The following SLAMF7 variants were observed in gnomAD, a reference collection of about 807,000 sequenced individuals.
SLAMF7 encodes 19A24 protein.
A neutral mutation model predicts 34.1 loss-of-function variants in SLAMF7; 26 were observed. The ratio of observed to expected loss-of-function variants is 0.76; its 90% confidence interval spans 0.56 to 1.06. SLAMF7 has a LOEUF of 1.06. SLAMF7 is among the 50% of genes least tolerant of loss of function. The pLI, the probability that SLAMF7 is intolerant of heterozygous loss-of-function variation, is 0.00. For missense variants in SLAMF7, 399 were observed against 402.5 expected, an observed-to-expected ratio of 0.99 and a Z score of 0.07; for synonymous variants, 171 against 156.4, an observed-to-expected ratio of 1.09 and a Z score of -0.70.
chr1:160,741,960 A>ATTT (rs1302515382), intron 1 of SLAMF7, among the ~76,000 whole-genome samples: 70 of 152,216 alleles, frequency 4.6e-4, no homozygotes, highest in African/African-American at 1.6e-3. Context: ...AGAGTGCCAC[A>ATTT]ACACACTGCT....
In SLAMF7 at chr1:160,739,271, T is replaced by G. The variant is rs776747789; in HGVS notation, c.-31T>G. On this transcript the variant is annotated 5_prime_UTR_variant, in exon 1 of 7. Coordinates refer to ENST00000368043, the MANE Select transcript of SLAMF7 (RefSeq NM_021181.5). Reference sequence around the variant, plus strand: ...AGTAATACCTAAGAGGGAAGTGGCTTCATTTCAGTGGCTGACTTCCAGAGA... The same window carrying G: ...AGTAATACCTAAGAGGGAAGTGGCTGCATTTCAGTGGCTGACTTCCAGAGA... 5.0e-6 allele frequency: 8 copies of G among 1,609,656 alleles called. No individual in the cohort carries two copies. Among genetic ancestry groups the G allele is most frequent in the Non-Finnish European group, 6.8e-6 (8 of 1,176,006 alleles).
intron 2 of SLAMF7, among the ~76,000 whole-genome samples, chr1:160,748,812 T>G (rs772374932): frequency 2.0e-5 from 3 of 152,242 alleles, no homozygotes; most frequent in Non-Finnish European, 2.9e-5. Flanking sequence ...TTTAATTTCT[T>G]CAAGTCTTAG....
intron 1 of SLAMF7, among the ~76,000 whole-genome samples, chr1:160,743,845 C>A (rs528058661): frequency 3.9e-5 from 6 of 152,142 alleles, no homozygotes; most frequent in African/African-American, 1.4e-4. Flanking sequence ...AATGCCACCA[C>A]GCCCAACTAA....
intron 4 of SLAMF7, chr1:160,751,113 C>A: frequency 2.0e-6 from 1 of 489,330 alleles, no homozygotes; most frequent in South Asian, 2.3e-5. Flanking sequence ...CCACTTTGAC[C>A]ACCTTGATGG....
chr1:160,747,669 C>T (rs889951440), intron 1 of SLAMF7, among the ~76,000 whole-genome samples: 3 of 152,144 alleles, frequency 2.0e-5, no homozygotes, highest in Admixed American at 1.3e-4. Flanking sequence ...ACTGCAATCC[C>T]GCCTGGGCAA....
At chr1:160,750,859 A>C (rs1209894138) in intron 4 of SLAMF7, 2 of 220,010 alleles carry the variant, frequency 9.1e-6, no homozygotes, top group African/African-American at 2.3e-5. Flanking sequence ...TTTCCACAGG[A>C]TCAACCCAAG....
Position 160,751,391 on chromosome 1 carries a change from T to C in SLAMF7, c.816T>C (p.Pro272=). ...KKRVDICRET[P]NICPHSGENT... ...GAGTGGACATTTGTCGGGAAACTCC[T>C]AACATATGCCCCCATTCTGGAGAGA... Residue 272 remains proline, a synonymous_variant, in exon 5 of 7, where the codon CCT becomes CCC. Coordinates refer to ENST00000368043, the MANE Select transcript of SLAMF7 (RefSeq NM_021181.5). 6.2e-7 allele frequency: 1 copy of C among 1,613,998 alleles called. No individual in the cohort carries two copies. The highest frequency in any genetic ancestry group is 2.2e-5 in the East Asian group (1 of 44,864).
chr1:160,744,082 T>C (rs1375373006), intron 1 of SLAMF7, among the ~76,000 whole-genome samples: 1 of 152,204 alleles, frequency 6.6e-6, no homozygotes, highest in Non-Finnish European at 1.5e-5. Context: ...TCCCCAGTTA[T>C]ACCCTCAGCT....
At chr1:160,744,705 A>C (rs974901437) in intron 1 of SLAMF7, among the ~76,000 whole-genome samples, 2 of 152,224 alleles carry the variant, frequency 1.3e-5, no homozygotes, top group African/African-American at 4.8e-5. Context: ...ATGAAATGTG[A>C]AAATGAAATT....
At chr1:160,742,129 G>T (rs1223891827) in intron 1 of SLAMF7, among the ~76,000 whole-genome samples, 1 of 152,010 alleles carries the variant, frequency 6.6e-6, no homozygotes, top group African/African-American at 2.4e-5. Flanking sequence ...CTCATAATCG[G>T]GCTCCTTCCC....
In SLAMF7 at chr1:160,750,338, C is replaced by T. The variant is rs35684990; in HGVS notation, c.684C>T (p.Leu228=). 3.9e-3 allele frequency: 6,368 copies of T among 1,614,124 alleles called. 21 individuals carry two copies. The highest frequency in any genetic ancestry group is 5.0e-3 in the Non-Finnish European group (5,877 of 1,179,966). ...AADDPDSSMV[L]LCLLLVPLLL... ...ATGACCCAGATTCCTCCATGGTCCT[C>T]CTGTGTCTCCTGTTGGTGCCCCTCC... Residue 228 remains leucine (L), a synonymous_variant, in exon 4 of 7, where the codon CTC becomes CTT. Transcript: ENST00000368043.
intron 1 of SLAMF7, among the ~76,000 whole-genome samples, chr1:160,741,380 G>A (rs889511478): frequency 1.3e-5 from 2 of 152,198 alleles, no homozygotes; most frequent in African/African-American, 4.8e-5. Flanking sequence ...CAACCTAAAT[G>A]TGAATGTGGT....
chr1:160,751,950 C>G (rs1293529400), intron 5 of SLAMF7: 1 of 281,366 alleles, frequency 3.6e-6, no homozygotes, highest in Non-Finnish European at 6.6e-6. Context: ...TAACACAGTA[C>G]AGTTTAAAAA....
intron 1 of SLAMF7, among the ~76,000 whole-genome samples, chr1:160,743,051 G>A (rs914785788): frequency 1.3e-5 from 2 of 152,154 alleles, no homozygotes; most frequent in African/African-American, 4.8e-5. Context: ...ACCCCTCTCT[G>A]GGCAGGACTT....
intron 1 of SLAMF7, among the ~76,000 whole-genome samples, chr1:160,747,074 T>C (rs1664190403): frequency 6.6e-6 from 1 of 152,218 alleles, no homozygotes; most frequent in Non-Finnish European, 1.5e-5. Flanking sequence ...GCTTATTGTA[T>C]TGACTGTAGG....
intron 6 of SLAMF7, 44 bp downstream of exon 6, chr1:160,752,292 C>A: frequency 2.0e-6 from 3 of 1,515,342 alleles, no homozygotes; most frequent in Non-Finnish European, 2.7e-6. Context: ...GGTTCCATTT[C>A]TTTTCCTGCT....
chr1:160,744,204 C>A (rs959918736), intron 1 of SLAMF7, among the ~76,000 whole-genome samples: 1 of 152,170 alleles, frequency 6.6e-6, no homozygotes, highest in Non-Finnish European at 1.5e-5. Context: ...ACTGCAGGTG[C>A]AAAACCATCA....
At chr1:160,747,956 C>G (rs551988846) in intron 1 of SLAMF7, among the ~76,000 whole-genome samples, 35 of 152,254 alleles carry the variant, frequency 2.3e-4, no homozygotes, top group African/African-American at 8.2e-4. Flanking sequence ...GTCATACTCT[C>G]TGGGAGTGAA....
chr1:160,751,248 G>A (rs892205527), intron 4 of SLAMF7, 97 bp from the exon 5 acceptor site: 2 of 834,802 alleles, frequency 2.4e-6, no homozygotes, highest in African/African-American at 3.4e-5. Flanking sequence ...TCGGCTGGTT[G>A]GTCACCCTAA....
Sources: allele counts gnomAD v4.1 joint callset (sites outside exome capture counted in the v4.1 genomes callset), GRCh38; gene constraint gnomAD v4.1.1; transcripts MANE v1.5; gene names NCBI Gene and HGNC (gene_info 2026-07-23, HGNC 2026-07-21).